JAZF1: variants seen among roughly 807,000 people sequenced by gnomAD.
The protein encoded by JAZF1 is JAZF zinc finger 1, also known as juxtaposed with another zinc finger protein 1.
JAZF1 carries 8 observed loss-of-function variants against 26.4 expected under a neutral mutation model. The ratio of observed to expected loss-of-function variants is 0.30; its 90% CI spans 0.18 to 0.55. The LOEUF (loss-of-function observed/expected upper bound fraction) is 0.55. Among genes scored for constraint, JAZF1 ranks in the 20% least tolerant of loss-of-function variants. JAZF1 has a pLI of 0.94. For missense variants in JAZF1, 199 were observed against 322.0 expected (o/e 0.62, Z 2.92); for synonymous variants, 126 against 122.3 (o/e 1.03, Z -0.20).
chr7:28,016,065 T>C (rs1332685065), intron 1 of JAZF1, among the ~76,000 whole-genome samples: 2 of 152,230 alleles, frequency 1.3e-5, no homozygotes, highest in Non-Finnish European at 1.5e-5. Context: ...ATAGAGCCTC[T>C]GAGCCCCGCA....
intron 1 of JAZF1, among the ~76,000 whole-genome samples, chr7:28,014,372 T>G (rs1248988129): frequency 6.6e-6 from 1 of 152,192 alleles, no homozygotes; most frequent in Non-Finnish European, 1.5e-5. Context: ...TGGGTTGATA[T>G]GGTTTGGCTG....
intron 1 of JAZF1, among the ~76,000 whole-genome samples, chr7:28,111,112 G>C (rs1273018584): frequency 1.3e-5 from 2 of 152,054 alleles, no homozygotes; most frequent in Non-Finnish European, 2.9e-5. Context: ...AGAAAATCTT[G>C]GTCTATTTTA....
At chr7:28,132,431 G>C (rs1782810037) in intron 1 of JAZF1, among the ~76,000 whole-genome samples, 1 of 152,124 alleles carries the variant, frequency 6.6e-6, no homozygotes, top group South Asian at 2.1e-4. Context: ...ATAGCTTAGG[G>C]GAAACCAGGG....
chr7:28,143,126 C>T (rs1051954310), intron 1 of JAZF1, among the ~76,000 whole-genome samples: 2 of 152,122 alleles, frequency 1.3e-5, no homozygotes, highest in Admixed American at 1.3e-4. Context: ...GTCTCACCTT[C>T]CACAACTCTC....
At chr7:27,924,798 C>T (rs1784584591) in intron 2 of JAZF1, among the ~76,000 whole-genome samples, 1 of 152,176 alleles carries the variant, frequency 6.6e-6, no homozygotes, top group African/African-American at 2.4e-5. Flanking sequence ...ATTCTCTGGG[C>T]AAATCCGCAT....
At chr7:28,039,421 C>T (rs1323985397) in intron 1 of JAZF1, among the ~76,000 whole-genome samples, 3 of 152,134 alleles carry the variant, frequency 2.0e-5, no homozygotes, top group African/African-American at 7.2e-5. Flanking sequence ...TTTGCCAATT[C>T]TTTTCTATGG....
intron 3 of JAZF1, among the ~76,000 whole-genome samples, chr7:27,850,950 T>A (rs1338404537): frequency 6.6e-6 from 1 of 150,760 alleles, no homozygotes; most frequent in East Asian, 1.9e-4. Context: ...TTTAAAATAA[T>A]TTTTTTTTTG....
intron 1 of JAZF1, among the ~76,000 whole-genome samples, chr7:27,993,795 C>T (rs1337587223): frequency 6.6e-6 from 1 of 152,100 alleles, no homozygotes; most frequent in Non-Finnish European, 1.5e-5. Context: ...TAGGTACTGA[C>T]GATCAAAGGG....
chr7:27,924,277 C>T (rs1784578588), intron 2 of JAZF1, among the ~76,000 whole-genome samples: 1 of 152,138 alleles, frequency 6.6e-6, no homozygotes, highest in Non-Finnish European at 1.5e-5. Context: ...GGTGTTTCAC[C>T]ATCTTGGCCA....
intron 1 of JAZF1, among the ~76,000 whole-genome samples, chr7:28,043,160 T>C (rs1476374678): frequency 1.3e-5 from 2 of 152,120 alleles, no homozygotes; most frequent in Non-Finnish European, 2.9e-5. Flanking sequence ...CAATGAACTG[T>C]GACATAAGGA....
intron 3 of JAZF1, among the ~76,000 whole-genome samples, chr7:27,874,240 G>C (rs1356208797): frequency 1.3e-5 from 2 of 152,232 alleles, no homozygotes; most frequent in Admixed American, 1.3e-4. Flanking sequence ...TGTGGCTGAA[G>C]GAGCTGAGGC....
intron 2 of JAZF1, among the ~76,000 whole-genome samples, chr7:27,934,872 A>G (rs1784743168): frequency 6.6e-6 from 1 of 152,220 alleles, no homozygotes; most frequent in African/African-American, 2.4e-5. Flanking sequence ...GTTAAAACTA[A>G]AACTTTAGTG....
intron 1 of JAZF1, among the ~76,000 whole-genome samples, chr7:28,113,672 G>C (rs2127934408): frequency 6.6e-6 from 1 of 152,282 alleles, no homozygotes; most frequent in African/African-American, 2.4e-5. Context: ...TCAATAATGA[G>C]GGCTTAAAGA....
At chr7:28,110,585 GA>G (rs1562591078) in intron 1 of JAZF1, among the ~76,000 whole-genome samples, 2 of 110,408 alleles carry the variant, frequency 1.8e-5, no homozygotes, top group African/African-American at 6.7e-5. Context: ...AAGGGAAAAG[GA>G]AAAGGAAAAG....
At chr7:28,043,960 C>T (rs1479993159) in intron 1 of JAZF1, among the ~76,000 whole-genome samples, 1 of 152,054 alleles carries the variant, frequency 6.6e-6, no homozygotes, top group East Asian at 1.9e-4. Context: ...AAGCAGGTTA[C>T]CGGTTACCAG....
intron 1 of JAZF1, among the ~76,000 whole-genome samples, chr7:28,092,309 A>G (rs888492911): frequency 1.2e-3 from 171 of 141,542 alleles, no homozygotes; most frequent in Middle Eastern, 7.2e-3. Flanking sequence ...AAAAAAAAAA[A>G]AAAAAAAAAA....
chr7:27,993,370 T>A (rs1785944294), intron 1 of JAZF1, among the ~76,000 whole-genome samples: 1 of 152,144 alleles, frequency 6.6e-6, no homozygotes, highest in African/African-American at 2.4e-5. Flanking sequence ...TATTCCTCGA[T>A]CTCTGGCCTA....
At chr7:28,091,640 A>G (rs965087684) in intron 1 of JAZF1, among the ~76,000 whole-genome samples, 6 of 149,708 alleles carry the variant, frequency 4.0e-5, no homozygotes, top group Non-Finnish European at 8.9e-5. Flanking sequence ...ATATATACAC[A>G]CACACAGACA....
At chr7:27,889,343 A>G (rs1333866263) in intron 3 of JAZF1, among the ~76,000 whole-genome samples, 1 of 152,176 alleles carries the variant, frequency 6.6e-6, no homozygotes, top group African/African-American at 2.4e-5. Context: ...GCTGTAGGCA[A>G]TAATAACCAA....
Sources: allele counts gnomAD v4.1 joint callset (sites outside exome capture counted in the v4.1 genomes callset), GRCh38; gene constraint gnomAD v4.1.1; transcripts MANE v1.5; gene names NCBI Gene and HGNC (gene_info 2026-07-23, HGNC 2026-07-21).